FSTL5: variants seen among roughly 807,000 people sequenced by gnomAD.
FSTL5 encodes follistatin-related protein 5.
Under a neutral mutation model 89.1 loss-of-function variants are expected in FSTL5, and 62 were observed. The ratio of observed to expected loss-of-function variants is 0.70; its 90% CI spans 0.57 to 0.86. The LOEUF (loss-of-function observed/expected upper bound fraction) is 0.86. Ranked by LOEUF, FSTL5 falls within the 40% of genes least tolerant of loss-of-function variation. The probability of loss-of-function intolerance (pLI) is 0.00; values close to 1 mark genes in which losing one functional copy is unlikely to be tolerated. For synonymous variants in FSTL5, 383 were observed against 346.2 expected, an observed-to-expected ratio of 1.11 and a Z score of -1.18; for missense variants, 1,057 against 1,001.6, an observed-to-expected ratio of 1.06 and a Z score of -0.75.
At chr4:162,118,851 A>G (rs953174756) in intron 1 of FSTL5, among the ~76,000 whole-genome samples, 13 of 152,256 alleles carry the variant, frequency 8.5e-5, no homozygotes, top group African/African-American at 3.1e-4. Context: ...TTGCCTATAT[A>G]TGACTACCAT....
chr4:161,840,157 T>C (rs1442863401), intron 4 of FSTL5, among the ~76,000 whole-genome samples: 1 of 151,862 alleles, frequency 6.6e-6, no homozygotes, highest in East Asian at 1.9e-4. Flanking sequence ...AGCGTCACCG[T>C]GTTTGGCAGA....
chr4:162,110,960 T>C (rs1225676426), intron 2 of FSTL5, among the ~76,000 whole-genome samples: 1 of 151,982 alleles, frequency 6.6e-6, no homozygotes, highest in African/African-American at 2.4e-5. Flanking sequence ...ATGGGAGTAA[T>C]ATAAATTATC....
rs144545664 is a variant in FSTL5, at chr4:161,648,760, A to C, written c.894+7568T>G. Among the ~76,000 whole-genome samples the C allele has an allele frequency of 6.0e-3, 911 of 152,238 alleles. 9 individuals are homozygous for C. The highest frequency in any genetic ancestry group is 0.045 in the South Asian group (219 of 4,824). On this transcript the variant is annotated intron_variant, in intron 7 of 15. Coordinates refer to ENST00000306100, the MANE Select transcript of FSTL5 (RefSeq NM_020116.5). ...ACAATCTATGCACTGAAGGGCCCTAAATGTAGGTTCTATTAGCAATACTAA... is the reference window on the plus strand; with the variant it reads ...ACAATCTATGCACTGAAGGGCCCTACATGTAGGTTCTATTAGCAATACTAA...
At chr4:161,605,797 T>C (rs1181941468) in intron 7 of FSTL5, among the ~76,000 whole-genome samples, 1 of 152,206 alleles carries the variant, frequency 6.6e-6, no homozygotes, top group Non-Finnish European at 1.5e-5. Flanking sequence ...TAGACTGATT[T>C]CATTGATGGT....
At chr4:162,097,325 T>G (rs1376566129) in intron 2 of FSTL5, among the ~76,000 whole-genome samples, 2 of 151,816 alleles carry the variant, frequency 1.3e-5, no homozygotes, top group Non-Finnish European at 3.0e-5. Flanking sequence ...TATATATGTG[T>G]GTATACGCAT....
At chr4:161,601,216 G>A (rs572990673) in intron 7 of FSTL5, among the ~76,000 whole-genome samples, 1 of 151,726 alleles carries the variant, frequency 6.6e-6, no homozygotes, top group South Asian at 2.1e-4. Flanking sequence ...TCATGATACA[G>A]GCCTGGTGTT....
At position 161,482,177 on chromosome 4, in the gene FSTL5, G is replaced by A. The variant is rs182559270; in HGVS notation, c.1459-1008C>T. Among the ~76,000 whole-genome samples, 610 of 152,204 alleles carry A rather than the reference G, an allele frequency of 4.0e-3. 2 individuals are homozygous for A. The highest frequency in any genetic ancestry group is 0.014 in the African/African-American group (576 of 41,520). ...AAAAATACAAAAAAATTAGCTGGGC[G>A]TGGTGGTGGGCACCTGTAGTCCCAG... On this transcript the variant is annotated intron_variant, in intron 12 of 15. Transcript: ENST00000306100.
chr4:161,534,440 G>C (rs1167374385), intron 10 of FSTL5, among the ~76,000 whole-genome samples: 1 of 152,026 alleles, frequency 6.6e-6, no homozygotes, highest in Non-Finnish European at 1.5e-5. Context: ...TTCCATTGTA[G>C]TTGAGAACCA....
At chr4:161,507,887 AACTC>A (rs1454624877) in intron 11 of FSTL5, among the ~76,000 whole-genome samples, 4 of 152,098 alleles carry the variant, frequency 2.6e-5, no homozygotes, top group African/African-American at 9.6e-5. Flanking sequence ...TTATCATTTC[AACTC>A]TTTCCATTAT....
chr4:161,589,408 C>CCTGA (rs1315216109), intron 7 of FSTL5, among the ~76,000 whole-genome samples: 5 of 152,076 alleles, frequency 3.3e-5, no homozygotes. Context: ...GTCTCGAACT[C>CCTGA]CTGACCTCAG....
chr4:161,439,717 AAC>A (rs35746681), intron 15 of FSTL5, among the ~76,000 whole-genome samples: 2 of 150,894 alleles, frequency 1.3e-5, no homozygotes, highest in Non-Finnish European at 3.0e-5. Flanking sequence ...CTGATTATTT[AAC>A]ACACACACAC....
chr4:161,982,171 G>T (rs1257697927), intron 3 of FSTL5, among the ~76,000 whole-genome samples: 1 of 152,092 alleles, frequency 6.6e-6, no homozygotes, highest in East Asian at 1.9e-4. Context: ...AATAACAACA[G>T]AAATAGCAAC....
At chr4:161,506,310 C>T (rs1730481180) in intron 11 of FSTL5, among the ~76,000 whole-genome samples, 1 of 142,528 alleles carries the variant, frequency 7.0e-6, no homozygotes, top group South Asian at 2.5e-4. Flanking sequence ...TGGCCTCAAG[C>T]AATCCTCCCT....
intron 7 of FSTL5, among the ~76,000 whole-genome samples, chr4:161,638,273 G>T (rs906116428): frequency 2.0e-5 from 3 of 151,570 alleles, no homozygotes; most frequent in East Asian, 2.0e-4. Context: ...TTTGTCTGTT[G>T]TTGGTGTATA....
At chr4:161,415,551 G>A (rs1578955835) in intron 15 of FSTL5, among the ~76,000 whole-genome samples, 1 of 151,774 alleles carries the variant, frequency 6.6e-6, no homozygotes, top group Non-Finnish European at 1.5e-5. Flanking sequence ...CACCACGCTC[G>A]GCCGTCTCTT....
intron 2 of FSTL5, among the ~76,000 whole-genome samples, chr4:162,051,533 A>T (rs1738378236): frequency 6.6e-6 from 1 of 151,564 alleles, no homozygotes; most frequent in Non-Finnish European, 1.5e-5. Flanking sequence ...AGTAGGAATA[A>T]TCCCCTGCAA....
At chr4:161,801,738 A>T (rs1729800154) in intron 4 of FSTL5, among the ~76,000 whole-genome samples, 1 of 151,300 alleles carries the variant, frequency 6.6e-6, no homozygotes, top group African/African-American at 2.4e-5. Flanking sequence ...TAATAATAAT[A>T]ATAAAGCTTT....
intron 9 of FSTL5, 94 bp downstream of exon 9, chr4:161,542,438 C>T (rs938325236): frequency 4.0e-6 from 3 of 753,264 alleles, no homozygotes; most frequent in African/African-American, 3.7e-5. Context: ...GCCACCAACA[C>T]TCATTTTTCT....
intron 8 of FSTL5, among the ~76,000 whole-genome samples, chr4:161,572,343 A>G (rs201944983): frequency 7.6e-4 from 94 of 124,480 alleles, no homozygotes; most frequent in South Asian, 1.3e-3. Context: ...AAAAAAAAAA[A>G]AGAGAGAGAG....
Sources: allele counts gnomAD v4.1 joint callset (sites outside exome capture counted in the v4.1 genomes callset), GRCh38; gene constraint gnomAD v4.1.1; transcripts MANE v1.5; gene names NCBI Gene and HGNC (gene_info 2026-07-23, HGNC 2026-07-21).